The following SCARB1 variants were observed in gnomAD, a reference collection of about 807,000 sequenced individuals.
SCARB1 encodes CD36 and LIMPII analogous 1.
A neutral mutation model predicts 57.2 loss-of-function variants in SCARB1; 30 were observed. The ratio of observed to expected loss-of-function variants is 0.52; its 90% CI spans 0.39 to 0.71. SCARB1 has a LOEUF of 0.71. Ranked by LOEUF, SCARB1 falls within the 30% of genes least tolerant of loss-of-function variation. The probability of loss-of-function intolerance (pLI) is 0.00; values close to 1 mark genes in which losing one functional copy is unlikely to be tolerated. For synonymous variants in SCARB1, 249 were observed against 268.3 expected (o/e 0.93, Z 0.70); for missense variants, 543 against 671.2 (o/e 0.81, Z 2.11).
chr12:124,844,821 T>C (rs11057854), intron 1 of SCARB1, among the ~76,000 whole-genome samples: 44,679 of 145,728 alleles, frequency 0.31, 7,956 homozygotes, highest in Non-Finnish European at 0.41. Flanking sequence ...TTCTTTCTTT[T>C]TTTTTTTTTT....
chr12:124,818,356 C>G (rs567407022), intron 1 of SCARB1, among the ~76,000 whole-genome samples: 105 of 152,348 alleles, frequency 6.9e-4, no homozygotes, highest in African/African-American at 2.5e-3. Flanking sequence ...TGGCTCATGC[C>G]TGTAATCCCA....
chr12:124,810,357 C>T lies in SCARB1; in HGVS notation c.727-68G>A, dbSNP rs1049609934. 106 of 1,096,718 alleles carry T rather than the reference C, an allele frequency of 9.7e-5. No individual in the cohort carries two copies. In the African/African-American group the frequency reaches 1.5e-3, roughly 15 times the overall value. 67.9% of individuals were successfully genotyped at this position (1,096,718 alleles called of 1,614,324 possible). ...GCCCCTTAATAAGCCCTCTCAGGTG[C>T]TGCACACCTAACTCACCCTGGTGCA... On this transcript the variant is annotated intron_variant, in intron 5 of 12. Transcript: ENST00000261693. This position sits in a 1 kb window ranked among gnomAD's most constrained non-coding sequence, Gnocchi z 4.0.
At chr12:124,808,024 G>T in intron 6 of SCARB1, 97 bp from the exon 7 acceptor site, 1 of 1,247,600 alleles carries the variant, frequency 8.0e-7, no homozygotes, top group Non-Finnish European at 1.2e-6. Context: ...TTCTCCCCAC[G>T]GGCGCTACCA....
chr12:124,818,011 G>A (rs755870244), intron 1 of SCARB1, among the ~76,000 whole-genome samples: 6 of 152,328 alleles, frequency 3.9e-5, no homozygotes, highest in Non-Finnish European at 8.8e-5. Context: ...AGGGAGCGCC[G>A]GAGCTCAGGG....
chr12:124,807,857 TG>T lies in SCARB1; in HGVS notation c.912del (p.Thr306ProfsTer53). 6.2e-7 allele frequency: 1 copy of T among 1,614,112 alleles called. No individual in the cohort carries two copies. The highest frequency in any genetic ancestry group is 8.5e-7 in the Non-Finnish European group (1 of 1,179,996). ...ATGGACCCGTTGGCAAACAGGGTTTTGGGAGCCACGAAGCGATAGGTGGGGA... is the reference window on the plus strand; with the variant it reads ...ATGGACCCGTTGGCAAACAGGGTTTTGGAGCCACGAAGCGATAGGTGGGGA... Reference protein sequence around the residue: ...EGIPTYRFVAPKTLFANGSIY... With the variant: ...EGIPTYRFVAXKTLFANGSIY... On this transcript the variant is annotated frameshift_variant, in exon 7 of 13. Coordinates refer to ENST00000261693, the MANE Select transcript of SCARB1 (RefSeq NM_005505.5). LOFTEE classifies it high-confidence loss of function. This position sits in a 1 kb window ranked among gnomAD's most constrained non-coding sequence, Gnocchi z 5.3.
At chr12:124,856,977 A>T (rs1230666678) in intron 1 of SCARB1, among the ~76,000 whole-genome samples, 1 of 152,206 alleles carries the variant, frequency 6.6e-6, no homozygotes, top group African/African-American at 2.4e-5. Context: ...GATGATTAGG[A>T]CAAAGCCTCG....
chr12:124,778,554 C>T lies in SCARB1; in HGVS notation c.*33G>A. On this transcript the variant is annotated 3_prime_UTR_variant, in exon 13 of 13. Transcript: ENST00000261693. Reference sequence around the variant, plus strand: ...TGGGGGGCCGGTCAGGCCCAGCGGCCAGGCCTGGCTGGCTCACGGTGTCCT... The same window carrying T: ...TGGGGGGCCGGTCAGGCCCAGCGGCTAGGCCTGGCTGGCTCACGGTGTCCT... 1 of 1,387,734 alleles carries T rather than the reference C, an allele frequency of 7.2e-7. No homozygotes were observed. Among genetic ancestry groups the T allele is most frequent in the Middle Eastern group, 2.4e-4 (1 of 4,136 alleles). 86.0% of individuals were successfully genotyped at this position (1,387,734 alleles called of 1,614,324 possible).
rs1167218009 is a variant in SCARB1 at position 124,814,904 on chromosome 12, G to C, written c.426+69C>G. On this transcript the variant is annotated intron_variant, in intron 3 of 12. Transcript: ENST00000261693. This position sits in a 1 kb window ranked among gnomAD's most constrained non-coding sequence, Gnocchi z 4.7. Reference sequence around the variant, plus strand: ...CTCAGGGACTGCTCTCTGCACAAGGGGCAGGCGGGAGGAGAGACAGGGGAC... The same window carrying C: ...CTCAGGGACTGCTCTCTGCACAAGGCGCAGGCGGGAGGAGAGACAGGGGAC... 3 of 1,600,122 alleles carry C rather than the reference G, an allele frequency of 1.9e-6. No homozygotes were observed. The African/African-American group carries it at 4.0e-5, about 21-fold the overall frequency.
intron 7 of SCARB1, among the ~76,000 whole-genome samples, chr12:124,802,149 CAA>C (rs10636464): frequency 1.4e-4 from 16 of 111,788 alleles, no homozygotes; most frequent in Admixed American, 1.8e-4. Context: ...GACTGTGTCT[CAA>C]AAAAAAAAAA....
At chr12:124,834,756 A>G (rs886830836) in intron 1 of SCARB1, among the ~76,000 whole-genome samples, 1 of 152,302 alleles carries the variant, frequency 6.6e-6, no homozygotes, top group Admixed American at 6.5e-5. Context: ...AAATTTTTTT[A>G]CAATAGCCAG....
intron 7 of SCARB1, among the ~76,000 whole-genome samples, chr12:124,804,468 G>A (rs1950255819): frequency 6.6e-6 from 1 of 152,220 alleles, no homozygotes; most frequent in Non-Finnish European, 1.5e-5. Context: ...CGCAAACCAA[G>A]AAGTGCCCTT....
At chr12:124,847,567 AGG>A in intron 1 of SCARB1, among the ~76,000 whole-genome samples, 1 of 152,190 alleles carries the variant, frequency 6.6e-6, no homozygotes, top group African/African-American at 2.4e-5. Flanking sequence ...TTCCTGGCCC[AGG>A]GGATGAGTCA....
intron 1 of SCARB1, among the ~76,000 whole-genome samples, chr12:124,823,672 G>A (rs996882385): frequency 1.3e-5 from 2 of 152,206 alleles, no homozygotes; most frequent in South Asian, 4.1e-4. Flanking sequence ...AAAACAACAC[G>A]TACAAGAATG....
intron 1 of SCARB1, among the ~76,000 whole-genome samples, chr12:124,834,236 G>T (rs921957890): frequency 6.6e-6 from 1 of 152,234 alleles, no homozygotes; most frequent in African/African-American, 2.4e-5. Flanking sequence ...CGGGACACAC[G>T]GGGGGACAGG....
At chr12:124,786,045 C>T (rs1466261040) in intron 11 of SCARB1, 9 of 1,505,496 alleles carry the variant, frequency 6.0e-6, no homozygotes, top group Admixed American at 2.0e-5. Context: ...AACCTGGCAT[C>T]CCCGGGTGCT....
Position 124,814,068 on chromosome 12 carries a change from C to A in SCARB1, c.630+134G>T. 1 of 841,450 alleles carries A rather than the reference C, an allele frequency of 1.2e-6. No individual in the cohort carries two copies. The allele number at this position is 841,450 out of a possible 1,614,324, so 52.1% of individuals were successfully genotyped here. A position where few individuals can be genotyped will look rare whatever the true frequency, so the allele number is the denominator to read the frequency against. ...CACTCAAGCCGGTTTGAGTCAGGTT[C>A]TCAGTCACTTACAACCCACAGCCAC... On this transcript the variant is annotated intron_variant, in intron 4 of 12. Coordinates refer to ENST00000261693, the MANE Select transcript of SCARB1 (RefSeq NM_005505.5). The surrounding 1 kb of genome is among the most constrained non-coding windows in gnomAD (Gnocchi z 4.7).
At chr12:124,828,469 GGCCCCTGCCCTGAGAC>G (rs1164572438) in intron 1 of SCARB1, among the ~76,000 whole-genome samples, 1 of 152,148 alleles carries the variant, frequency 6.6e-6, no homozygotes, top group Non-Finnish European at 1.5e-5. Flanking sequence ...AACACGATGG[GGCCCCTGCCCTGAGAC>G]GCCCCTGCCC....
At position 124,800,601 on chromosome 12, in the gene SCARB1, T is replaced by C. The variant is rs1238295337; in HGVS notation, c.1010-359A>G. ...GGAAATGCATGGTGCACAAGGGTGC[T>C]AGGGAGGCACGGATGGAAAAGGCAA... On this transcript the variant is annotated intron_variant, in intron 7 of 12. Transcript: ENST00000261693. This position sits in a 1 kb window ranked among gnomAD's most constrained non-coding sequence, Gnocchi z 4.8. Among the ~76,000 whole-genome samples the C allele has an allele frequency of 6.6e-6, 1 of 152,046 alleles. No homozygotes were observed. Among genetic ancestry groups the C allele is most frequent in the African/African-American group, 2.4e-5 (1 of 41,380 alleles).
chr12:124,841,866 T>C (rs1951923153), intron 1 of SCARB1, among the ~76,000 whole-genome samples: 1 of 152,154 alleles, frequency 6.6e-6, no homozygotes, highest in African/African-American at 2.4e-5. Flanking sequence ...TCCATGTGCT[T>C]CTCCATGGCC....
Sources: gnomAD v4.1 joint callset for allele counts (sites outside exome capture counted in the v4.1 genomes callset) on GRCh38, gnomAD v4.1.1 for gene constraint, Gnocchi (gnomAD v3.1) non-coding constraint, MANE v1.5 for transcripts, NCBI Gene and HGNC (gene_info 2026-07-23, HGNC 2026-07-21) for gene names.